TENM3: variants seen among roughly 807,000 people sequenced by gnomAD.
The protein encoded by TENM3 is teneurin transmembrane protein 3.
Under a neutral mutation model 255.1 loss-of-function variants are expected in TENM3, and 63 were observed. The observed-to-expected ratio is 0.25, with a 90% confidence interval of 0.20 to 0.30. The LOEUF is 0.30. Among genes scored for constraint, TENM3 ranks in the 10% least tolerant of loss-of-function variants. The pLI is 1.00. For synonymous variants in TENM3, 1,306 were observed against 1,322.3 expected (o/e 0.99, Z 0.27); for missense variants, 2,929 against 3,461.1 (o/e 0.85, Z 3.86).
At chr4:181,852,614 T>C in the TENM3 span, among the ~76,000 whole-genome samples, 1 of 152,226 alleles carries the variant, frequency 6.6e-6, no homozygotes, top group Admixed American at 6.5e-5. Context: ...GTTATTCCTT[T>C]GTGCTATTCC....
chr4:182,102,873 T>G, the TENM3 span, among the ~76,000 whole-genome samples: 1 of 152,260 alleles, frequency 6.6e-6, no homozygotes, highest in Admixed American at 6.5e-5. Context: ...AGTACTGTAC[T>G]TAGGAGTGCA....
At chr4:182,310,930 G>C (rs1013923598) in intron 1 of TENM3, among the ~76,000 whole-genome samples, 3 of 152,166 alleles carry the variant, frequency 2.0e-5, no homozygotes, top group Non-Finnish European at 2.9e-5. Context: ...GGCTGGTCTC[G>C]AACTCCTGAC....
the TENM3 span, among the ~76,000 whole-genome samples, chr4:181,937,100 G>A: frequency 6.6e-6 from 1 of 152,158 alleles, no homozygotes; most frequent in East Asian, 1.9e-4. Context: ...GGTGGCCCTG[G>A]GCAAAGCAGG....
intron 3 of TENM3, among the ~76,000 whole-genome samples, chr4:182,558,034 C>T (rs1002747185): frequency 3.3e-5 from 5 of 152,266 alleles, no homozygotes; most frequent in South Asian, 4.1e-4. Flanking sequence ...CTTTCATCTA[C>T]GGCTACGATC....
chr4:182,372,318 T>G (rs911479280), intron 3 of TENM3, among the ~76,000 whole-genome samples: 1 of 152,170 alleles, frequency 6.6e-6, no homozygotes, highest in African/African-American at 2.4e-5. Context: ...ATGAAAAACA[T>G]AAACCAGTAG....
the TENM3 span, among the ~76,000 whole-genome samples, chr4:181,505,180 C>T: frequency 6.6e-6 from 1 of 152,204 alleles, no homozygotes; most frequent in African/African-American, 2.4e-5. Context: ...CACCACTTTT[C>T]AGCACTTCTC....
At chr4:182,564,585 T>TG (rs1458451493) in intron 3 of TENM3, among the ~76,000 whole-genome samples, 1 of 151,168 alleles carries the variant, frequency 6.6e-6, no homozygotes, top group East Asian at 1.9e-4. Flanking sequence ...TGTTTTGTTT[T>TG]TTTTTTTTTT....
chr4:181,929,597 C>T, the TENM3 span, among the ~76,000 whole-genome samples: 1 of 152,040 alleles, frequency 6.6e-6, no homozygotes, highest in Admixed American at 6.5e-5. Context: ...ACTTTAACAC[C>T]CCACTGTCAA....
the TENM3 span, among the ~76,000 whole-genome samples, chr4:181,922,201 T>C: frequency 6.6e-6 from 1 of 152,190 alleles, no homozygotes; most frequent in Non-Finnish European, 1.5e-5. Flanking sequence ...TTCTCTTTTT[T>C]GGTTGTGTCT....
chr4:181,969,560 A>G, the TENM3 span, among the ~76,000 whole-genome samples: 1 of 152,348 alleles, frequency 6.6e-6, no homozygotes, highest in East Asian at 1.9e-4. Context: ...TAACGGGAAT[A>G]CCTGTCTTGT....
At chr4:182,284,366 A>C (rs1760595897) in intron 1 of TENM3, among the ~76,000 whole-genome samples, 1 of 152,172 alleles carries the variant, frequency 6.6e-6, no homozygotes, top group African/African-American at 2.4e-5. Context: ...AGTTATTATA[A>C]TTTTGGTTTT....
chr4:181,570,945 C>CTGT, the TENM3 span, among the ~76,000 whole-genome samples: 1 of 152,326 alleles, frequency 6.6e-6, no homozygotes, highest in Non-Finnish European at 1.5e-5. Context: ...AAGTGTCTTA[C>CTGT]TGTTCAGTGT....
At chr4:182,184,384 G>A (rs1753017502) in intron 1 of TENM3, among the ~76,000 whole-genome samples, 1 of 151,804 alleles carries the variant, frequency 6.6e-6, no homozygotes, top group Admixed American at 6.6e-5. Flanking sequence ...TCTTATGAAA[G>A]CACCAAAAAT....
chr4:181,961,483 G>T, the TENM3 span, among the ~76,000 whole-genome samples: 1 of 152,014 alleles, frequency 6.6e-6, no homozygotes, highest in Non-Finnish European at 1.5e-5. Context: ...CGTAGTGTGC[G>T]ATCTCGACTC....
chr4:181,785,251 G>A, the TENM3 span, among the ~76,000 whole-genome samples: 1 of 152,122 alleles, frequency 6.6e-6, no homozygotes, highest in East Asian at 1.9e-4. Context: ...TTGTTTATCT[G>A]AGGCTACAGG....
intron 3 of TENM3, among the ~76,000 whole-genome samples, chr4:182,527,147 C>A (rs17073538): frequency 0.013 from 1,937 of 152,188 alleles, 38 homozygotes; most frequent in African/African-American, 0.045. Context: ...AGTTAACAAT[C>A]AAAGGAGGTA....
At chr4:181,872,852 A>G in the TENM3 span, among the ~76,000 whole-genome samples, 1 of 152,102 alleles carries the variant, frequency 6.6e-6, no homozygotes, top group South Asian at 2.1e-4. Flanking sequence ...ACTCATTTAC[A>G]TTTCAGCTGT....
At chr4:182,768,019 T>A (rs1055317771) in intron 22 of TENM3, among the ~76,000 whole-genome samples, 15 of 152,152 alleles carry the variant, frequency 9.9e-5, no homozygotes, top group Admixed American at 9.8e-4. Context: ...AGTATATACG[T>A]AACGACATAT....
chr4:181,587,906 C>T, the TENM3 span, among the ~76,000 whole-genome samples: 2 of 152,080 alleles, frequency 1.3e-5, no homozygotes, highest in African/African-American at 2.4e-5. Context: ...CACTCTGGGA[C>T]CTGCAGCCAT....
Sources: allele counts gnomAD v4.1 joint callset (sites outside exome capture counted in the v4.1 genomes callset), GRCh38; gene constraint gnomAD v4.1.1; transcripts MANE v1.5; gene names NCBI Gene and HGNC (gene_info 2026-07-23, HGNC 2026-07-21).